The following EPHA7 variants were observed in gnomAD, a reference collection of about 807,000 sequenced individuals.
EPHA7 encodes EPH receptor A7, also known as ephrin type-A receptor 7.
In EPHA7, 25 loss-of-function variants were observed where a neutral mutation model predicts 112.6. The ratio of observed to expected loss-of-function variants is 0.22; its 90% CI spans 0.16 to 0.31. The LOEUF is 0.31. Ranked by LOEUF, EPHA7 falls within the 10% of genes least tolerant of loss-of-function variation. EPHA7 has a pLI of 1.00. For synonymous variants in EPHA7, 437 were observed against 406.5 expected (o/e 1.07, Z -0.90); for missense variants, 962 against 1,212.6 (o/e 0.79, Z 3.07).
intron 3 of EPHA7, among the ~76,000 whole-genome samples, chr6:93,388,361 A>T (rs1019402524): frequency 2.0e-5 from 3 of 152,122 alleles, no homozygotes; most frequent in African/African-American, 7.2e-5. Context: ...CCCTATTATT[A>T]TCAATATTAC....
intron 9 of EPHA7, among the ~76,000 whole-genome samples, chr6:93,261,866 AACTG>A (rs1433984893): frequency 2.6e-5 from 4 of 151,512 alleles, no homozygotes; most frequent in African/African-American, 7.3e-5. Context: ...AAAATATTAA[AACTG>A]ACTGATGACA....
At chr6:93,318,749 G>T (rs1159354301) in intron 5 of EPHA7, among the ~76,000 whole-genome samples, 1 of 151,960 alleles carries the variant, frequency 6.6e-6, no homozygotes, top group Non-Finnish European at 1.5e-5. Flanking sequence ...AGATTTAAAA[G>T]AAGGCAGCAA....
At chr6:93,382,622 A>G (rs1777393638) in intron 3 of EPHA7, among the ~76,000 whole-genome samples, 1 of 152,124 alleles carries the variant, frequency 6.6e-6, no homozygotes, top group African/African-American at 2.4e-5. Context: ...CTCTATTCTT[A>G]TTCCAGCCAT....
At chr6:93,315,589 T>C (rs1396420736) in intron 5 of EPHA7, among the ~76,000 whole-genome samples, 2 of 152,196 alleles carry the variant, frequency 1.3e-5, no homozygotes, top group African/African-American at 4.8e-5. Flanking sequence ...GTCTATTTTT[T>C]TGTATTTGAA....
At chr6:93,287,563 AC>A (rs1772132017) in intron 5 of EPHA7, among the ~76,000 whole-genome samples, 1 of 149,244 alleles carries the variant, frequency 6.7e-6, no homozygotes, top group African/African-American at 2.5e-5. Context: ...GTTCAAGGGT[AC>A]CTGTGCAGGT....
intron 1 of EPHA7, 100 bp downstream of exon 1, chr6:93,419,145 C>A (rs950383736): frequency 1.1e-6 from 1 of 949,506 alleles, no homozygotes; most frequent in Admixed American, 3.8e-5. Context: ...GGTCGCCCGG[C>A]GCCGGAGGCG....
intron 5 of EPHA7, among the ~76,000 whole-genome samples, chr6:93,315,091 TG>T (rs1773741051): frequency 1.3e-5 from 2 of 151,456 alleles, no homozygotes; most frequent in African/African-American, 4.9e-5. Flanking sequence ...CTCGATCTCC[TG>T]ACCTCGTGAT....
rs771918424 is a variant in EPHA7, at chr6:93,258,167, C to T, written c.2042G>A (p.Cys681Tyr). The T allele has an allele frequency of 3.1e-6, 5 of 1,613,562 alleles. No individual in the cohort carries two copies. Among genetic ancestry groups the T allele is most frequent in the Admixed American group, 1.7e-5 (1 of 59,920 alleles). The change falls in exon 11 of 17, where the codon TGT becomes TAT. Residue 681 changes from cysteine (C) to tyrosine (Y), a missense_variant. Cys to Tyr is a radical substitution (Grantham distance 194). Around this residue, in one of 3 missense-constraint regions of EPHA7, gnomAD observed 746 missense variants for 889.2 expected, o/e 0.84. Transcript: ENST00000369303. ...AAACTGCCCCATGATGCTTGCTTCA[C>T]ACAAAAAGTCTCTCCTTTGTTTTTC... ...YTEKQRRDFL[C>Y]EASIMGQFDH...
intron 3 of EPHA7, among the ~76,000 whole-genome samples, chr6:93,376,899 C>T (rs928127697): frequency 8.5e-4 from 130 of 152,156 alleles, no homozygotes; most frequent in African/African-American, 3.0e-3. Flanking sequence ...AGCAGCATTG[C>T]ATCCCTAGCG....
At chr6:93,414,540 T>A (rs1253251117) in intron 2 of EPHA7, among the ~76,000 whole-genome samples, 163 bp downstream of exon 2, 1 of 151,898 alleles carries the variant, frequency 6.6e-6, no homozygotes, top group Non-Finnish European at 1.5e-5. Context: ...CCCTCTCTAA[T>A]CAGGGAACTC....
rs200800819 is a variant in EPHA7 at position 93,410,853 on chromosome 6, A to G, written c.480T>C (p.Leu160=). ...TGTTAAGCTTCATCTTTCTTTCACC[A>G]AGGTCACCTTGGGTAAAACTTTCAT... ...AADESFTQGD[L]GERKMKLNTE... Residue 160 remains leucine (L), a synonymous_variant, in exon 3 of 17, where the codon CTT becomes CTC. Coordinates refer to ENST00000369303, the MANE Select transcript of EPHA7 (RefSeq NM_004440.4). The surrounding 1 kb of genome is among the most constrained non-coding windows in gnomAD (Gnocchi z 4.0). 2 of 1,614,040 alleles carry G rather than the reference A, an allele frequency of 1.2e-6. No homozygotes were observed. Among genetic ancestry groups the G allele is most frequent in the Non-Finnish European group, 8.5e-7 (1 of 1,179,968 alleles).
At chr6:93,417,997 G>A (rs569288810) in intron 1 of EPHA7, among the ~76,000 whole-genome samples, 1 of 152,142 alleles carries the variant, frequency 6.6e-6, no homozygotes, top group Non-Finnish European at 1.5e-5. Flanking sequence ...GATGAATCAA[G>A]GACCTATATG....
chr6:93,414,747 C>T lies in EPHA7; in HGVS notation c.118G>A (p.Ala40Thr). The change falls in exon 2 of 17, where the codon GCA becomes ACA. Residue 40 changes from alanine to threonine, a missense_variant. Physicochemically the swap from Ala to Thr is moderately conservative, Grantham distance 58 (BLOSUM62 0). This residue lies in a region of EPHA7 where 56 missense variants were observed against 59.9 expected (regional missense o/e 0.94). Coordinates refer to ENST00000369303, the MANE Select transcript of EPHA7 (RefSeq NM_004440.4). ...ATCCACTCCAACTCTGTTTGTTGTG[C>T]TTTAGAATCCAGCAGTAGTACTGAA... Reference protein sequence around the residue: ...AKEVLLLDSKAQQTELEWISS... With the variant: ...AKEVLLLDSKTQQTELEWISS... 1 of 1,612,530 alleles carries T rather than the reference C, an allele frequency of 6.2e-7. No homozygotes were observed. Among genetic ancestry groups the T allele is most frequent in the Non-Finnish European group, 8.5e-7 (1 of 1,179,074 alleles).
At chr6:93,274,221 A>G (rs1211930559) in intron 5 of EPHA7, among the ~76,000 whole-genome samples, 2 of 151,880 alleles carry the variant, frequency 1.3e-5, no homozygotes, top group African/African-American at 4.8e-5. Flanking sequence ...TAAGTCAAAC[A>G]CTAAGACATG....
chr6:93,405,813 G>GTGTATATATA lies in EPHA7; in HGVS notation c.832+4687_832+4688insTATATATACA, dbSNP rs1357089640. 1.2e-4 allele frequency among the ~76,000 whole-genome samples: 9 copies of GTGTATATATA among 73,980 alleles called. No individual in the cohort carries two copies. In the South Asian group the frequency reaches 3.6e-3, roughly 30 times the overall value. 48.5% of individuals were successfully genotyped at this position (73,980 alleles called of 152,430 possible). On this transcript the variant is annotated intron_variant, in intron 3 of 16. Transcript: ENST00000369303. Reference sequence around the variant, plus strand: ...TGTGTGTGTGTGTGTGTGTGTGTGTGTATATATATATATATATATATATAT... The same window carrying GTGTATATATA: ...TGTGTGTGTGTGTGTGTGTGTGTGTGTGTATATATATATATATATATATATATATATATAT...
At chr6:93,389,766 A>G (rs1777809583) in intron 3 of EPHA7, among the ~76,000 whole-genome samples, 1 of 152,012 alleles carries the variant, frequency 6.6e-6, no homozygotes, top group African/African-American at 2.4e-5. Context: ...TCTTAAAAAA[A>G]TGATATTGGA....
intron 5 of EPHA7, among the ~76,000 whole-genome samples, chr6:93,296,018 A>C (rs1366401090): frequency 4.0e-5 from 6 of 151,822 alleles, no homozygotes; most frequent in Non-Finnish European, 5.9e-5. Context: ...CTTTATATAT[A>C]ATTAAAATAT....
At chr6:93,306,180 C>A (rs1484477192) in intron 5 of EPHA7, among the ~76,000 whole-genome samples, 2 of 151,844 alleles carry the variant, frequency 1.3e-5, no homozygotes, top group Admixed American at 1.3e-4. Context: ...TACAATTTTT[C>A]TCTGCTTTTA....
At chr6:93,339,309 G>A (rs531099750) in intron 5 of EPHA7, among the ~76,000 whole-genome samples, 4 of 151,382 alleles carry the variant, frequency 2.6e-5, no homozygotes, top group Admixed American at 2.0e-4. Context: ...TTGTAGTCCC[G>A]GTTATTGAGA....
Sources: gnomAD v4.1 joint callset for allele counts (sites outside exome capture counted in the v4.1 genomes callset) on GRCh38, gnomAD v4.1.1 for gene constraint, gnomAD v4.1.1 regional missense constraint, Gnocchi (gnomAD v3.1) non-coding constraint, MANE v1.5 for transcripts, NCBI Gene and HGNC (gene_info 2026-07-23, HGNC 2026-07-21) for gene names.